Variants in PPP2R2A observed in about 807,000 individuals in gnomAD.
PPP2R2A encodes the protein serine/threonine-protein phosphatase 2A 55 kDa regulatory subunit B alpha isoform.
PPP2R2A carries 9 observed loss-of-function variants against 53.2 expected under a neutral mutation model. The ratio of observed to expected loss-of-function variants is 0.17; its 90% CI spans 0.10 to 0.30. PPP2R2A has a LOEUF of 0.30. Among genes scored for constraint, PPP2R2A ranks in the 10% least tolerant of loss-of-function variants. The probability of loss-of-function intolerance (pLI) is 1.00; values close to 1 mark genes in which losing one functional copy is unlikely to be tolerated. For missense variants in PPP2R2A, 235 were observed against 534.6 expected (o/e 0.44, Z 5.53); for synonymous variants, 169 against 174.2 (o/e 0.97, Z 0.23).
intron 2 of PPP2R2A, among the ~76,000 whole-genome samples, chr8:26,337,682 G>C (rs915140595): frequency 3.3e-5 from 5 of 152,154 alleles, no homozygotes; most frequent in African/African-American, 1.2e-4. Flanking sequence ...GGTGTAGCCA[G>C]GGGTTTTTTA....
chr8:26,351,184 A>G (rs1804483903), intron 3 of PPP2R2A, among the ~76,000 whole-genome samples: 1 of 151,956 alleles, frequency 6.6e-6, no homozygotes, highest in South Asian at 2.1e-4. Flanking sequence ...TCAACCCCAA[A>G]ATCCAGGGAA....
At chr8:26,327,861 G>A (rs1803174637) in intron 2 of PPP2R2A, among the ~76,000 whole-genome samples, 1 of 152,142 alleles carries the variant, frequency 6.6e-6, no homozygotes, top group Non-Finnish European at 1.5e-5. Context: ...TGGGTCATGT[G>A]ACCTAACAGA....
At chr8:26,315,658 T>G (rs1802515934) in intron 2 of PPP2R2A, among the ~76,000 whole-genome samples, 1 of 152,180 alleles carries the variant, frequency 6.6e-6, no homozygotes, top group Non-Finnish European at 1.5e-5. Context: ...TACCTGGTGC[T>G]TCTGTGTCCT....
chr8:26,303,764 C>T (rs1445185089), intron 2 of PPP2R2A, among the ~76,000 whole-genome samples: 1 of 152,056 alleles, frequency 6.6e-6, no homozygotes, highest in Non-Finnish European at 1.5e-5. Flanking sequence ...AAAAAAACTC[C>T]GCTAATTTTT....
chr8:26,367,909 T>C (rs891898759), intron 9 of PPP2R2A, among the ~76,000 whole-genome samples: 8 of 152,220 alleles, frequency 5.3e-5, no homozygotes, highest in African/African-American at 1.9e-4. Flanking sequence ...GTTAGTCTCC[T>C]TTATTCTGAA....
rs898615789 is a variant in PPP2R2A, at chr8:26,291,540, G to A, written c.-280G>A. On this transcript the variant is annotated 5_prime_UTR_variant, in exon 1 of 10. Coordinates refer to ENST00000380737, the MANE Select transcript of PPP2R2A (RefSeq NM_002717.4). The stretch of plus-strand genomic sequence containing the variant: ...CCGGCGCCATTTTGAAAGTGGAGTC[G>A]CCTGCCCCTGCCGCTGCCGCCGCCG... 2.8e-5 allele frequency: 14 copies of A among 504,900 alleles called. No individual in the cohort carries two copies. Among genetic ancestry groups the A allele is most frequent in the Non-Finnish European group, 4.9e-5 (14 of 284,124 alleles). 31.3% of individuals were successfully genotyped at this position (504,900 alleles called of 1,614,324 possible).
chr8:26,302,205 CA>C (rs1801819334), intron 2 of PPP2R2A, among the ~76,000 whole-genome samples: 1 of 152,164 alleles, frequency 6.6e-6, no homozygotes, highest in Non-Finnish European at 1.5e-5. Context: ...GACATTTTCT[CA>C]AAAGAACAGT....
intron 1 of PPP2R2A, chr8:26,293,132 T>G (rs1563277289): frequency 3.6e-6 from 4 of 1,107,578 alleles, no homozygotes; most frequent in African/African-American, 3.2e-5. Context: ...TTTTCCTCTC[T>G]GTCTGGAGCC....
At chr8:26,317,017 A>G (rs1802593859) in intron 2 of PPP2R2A, among the ~76,000 whole-genome samples, 1 of 152,224 alleles carries the variant, frequency 6.6e-6, no homozygotes, top group Non-Finnish European at 1.5e-5. Flanking sequence ...AACTAAGACA[A>G]AGGATTAAGA....
chr8:26,328,781 G>A (rs958881654), intron 2 of PPP2R2A, among the ~76,000 whole-genome samples: 1 of 152,156 alleles, frequency 6.6e-6, no homozygotes, highest in African/African-American at 2.4e-5. Flanking sequence ...CCTCAGAAGT[G>A]GGGTTAAGAG....
intron 3 of PPP2R2A, among the ~76,000 whole-genome samples, chr8:26,350,309 C>T (rs891995496): frequency 2.6e-5 from 4 of 152,052 alleles, no homozygotes; most frequent in East Asian, 1.9e-4. Context: ...GTGATCTGCC[C>T]GCCTCAGTCT....
At chr8:26,323,600 C>G (rs544745637) in intron 2 of PPP2R2A, among the ~76,000 whole-genome samples, 15 of 152,158 alleles carry the variant, frequency 9.9e-5, no homozygotes, top group Non-Finnish European at 2.2e-4. Context: ...CAAACATTTA[C>G]CACTTTATTA....
intron 8 of PPP2R2A, chr8:26,365,369 TAC>T (rs1805317519): frequency 6.6e-6 from 1 of 152,136 alleles, no homozygotes; most frequent in Non-Finnish European, 1.5e-5. Context: ...TCCTCTGTAT[TAC>T]AGATTTTCAC....
chr8:26,320,317 C>G (rs1802772563), intron 2 of PPP2R2A, among the ~76,000 whole-genome samples: 1 of 152,206 alleles, frequency 6.6e-6, no homozygotes, highest in South Asian at 2.1e-4. Flanking sequence ...GTCAGATCAG[C>G]AAATACGTTG....
intron 2 of PPP2R2A, among the ~76,000 whole-genome samples, chr8:26,317,613 A>G (rs1222946727): frequency 6.6e-6 from 1 of 152,224 alleles, no homozygotes; most frequent in Non-Finnish European, 1.5e-5. Flanking sequence ...AAAATAGGGA[A>G]ATGAAATAAG....
Position 26,354,204 on chromosome 8 carries a change from G to A in PPP2R2A, c.181-264G>A, listed in dbSNP as rs1414389405. Among the ~76,000 whole-genome samples the A allele has an allele frequency of 6.6e-6, 1 of 151,856 alleles. No homozygotes were observed. The highest frequency in any genetic ancestry group is 1.5e-5 in the Non-Finnish European group (1 of 67,972). On this transcript the variant is annotated intron_variant, in intron 3 of 9. Transcript: ENST00000380737. The surrounding 1 kb of genome is among the most constrained non-coding windows in gnomAD (Gnocchi z 4.6). The stretch of plus-strand genomic sequence containing the variant: ...CCATCAAATACATAAGAGTAAATTA[G>A]CAATCAAATTGATCCATATTTAACG...
intron 8 of PPP2R2A, 61 bp from the exon 9 acceptor site, chr8:26,366,249 TAAAGA>T: frequency 2.3e-6 from 3 of 1,324,442 alleles, no homozygotes; most frequent in Admixed American, 4.1e-5. Flanking sequence ...TTTTTCTTTT[TAAAGA>T]TATGGACTTG....
intron 1 of PPP2R2A, 86 bp downstream of exon 1, chr8:26,291,912 C>T (rs1801314245): frequency 1.9e-6 from 3 of 1,551,702 alleles, no homozygotes; most frequent in African/African-American, 1.4e-5. Context: ...GCCCGCGCCT[C>T]GCGCAGAGCC....
intron 1 of PPP2R2A, chr8:26,292,273 C>G: frequency 1.0e-6 from 1 of 996,386 alleles, no homozygotes; most frequent in Non-Finnish European, 1.2e-6. Flanking sequence ...TTTATTTTGC[C>G]TCGAGAAGGA....
Sources: gnomAD v4.1 joint callset for allele counts (sites outside exome capture counted in the v4.1 genomes callset) on GRCh38, gnomAD v4.1.1 for gene constraint, Gnocchi (gnomAD v3.1) non-coding constraint, MANE v1.5 for transcripts, NCBI Gene and HGNC (gene_info 2026-07-23, HGNC 2026-07-21) for gene names.